The following MAP2K6 variants were observed in gnomAD, a reference collection of about 807,000 sequenced individuals.
The protein encoded by MAP2K6 is dual specificity mitogen-activated protein kinase kinase 6.
A neutral mutation model predicts 53.7 loss-of-function variants in MAP2K6; 16 were observed. That is an observed-to-expected ratio of 0.30 (90% CI 0.20 to 0.45). MAP2K6 has a LOEUF of 0.45. Ranked by LOEUF, MAP2K6 falls within the 20% of genes least tolerant of loss-of-function variation. MAP2K6 has a pLI of 1.00. For synonymous variants in MAP2K6, 132 were observed against 143.1 expected (o/e 0.92, Z 0.55); for missense variants, 204 against 411.9 (o/e 0.50, Z 4.37).
Position 69,546,020 on chromosome 17 carries a change from C to CA in MAP2K6, c.*4285dup, listed in dbSNP as rs34112033. 7,230 of 129,930 alleles carry CA rather than the reference C, an allele frequency of 0.056. 275 individuals are homozygous for CA. The highest frequency in any genetic ancestry group is 0.11 in the African/African-American group (4,134 of 36,032). The allele number at this position is 129,930 out of a possible 1,614,324, so 8.0% of individuals were successfully genotyped here. ...GGGCAACAAGAGCAAAACTTCATCT[C>CA]AAAAAAAAAAAAAAAAAATGTACAA... On this transcript the variant is annotated 3_prime_UTR_variant, in exon 12 of 12. Coordinates refer to ENST00000590474, the MANE Select transcript of MAP2K6 (RefSeq NM_002758.4).
At chr17:69,487,275 T>C (rs796301200) in intron 1 of MAP2K6, among the ~76,000 whole-genome samples, 7 of 152,334 alleles carry the variant, frequency 4.6e-5, no homozygotes, top group African/African-American at 1.7e-4. Context: ...GAAAGCCGAC[T>C]GCTTACATCT....
intron 1 of MAP2K6, among the ~76,000 whole-genome samples, chr17:69,495,500 T>C (rs1243969223): frequency 6.6e-6 from 1 of 152,150 alleles, no homozygotes; most frequent in African/African-American, 2.4e-5. Context: ...CCTCCCAAAG[T>C]GCTGGAATTA....
chr17:69,420,080 T>C (rs1906029208), intron 1 of MAP2K6, among the ~76,000 whole-genome samples: 1 of 152,164 alleles, frequency 6.6e-6, no homozygotes, highest in African/African-American at 2.4e-5. Context: ...ACCTAATGTC[T>C]TAAGCTGCTA....
chr17:69,519,848 T>C (rs943482552), intron 5 of MAP2K6: 5 of 219,484 alleles, frequency 2.3e-5, no homozygotes, highest in Non-Finnish European at 4.5e-5. Flanking sequence ...TTTAGCGTTA[T>C]ATGGATTATG....
intron 1 of MAP2K6, among the ~76,000 whole-genome samples, chr17:69,486,432 C>T (rs770030498): frequency 2.6e-5 from 4 of 152,216 alleles, no homozygotes; most frequent in Non-Finnish European, 5.9e-5. Flanking sequence ...GTTAAGGTTT[C>T]TGGCATGAAG....
At chr17:69,505,442 C>CAAA (rs33993512) in intron 1 of MAP2K6, 56 of 115,698 alleles carry the variant, frequency 4.8e-4, no homozygotes, top group Middle Eastern at 3.5e-3. Flanking sequence ...GACTCTGTCT[C>CAAA]AAAAAAAAAA....
At chr17:69,492,331 G>C (rs1908782276) in intron 1 of MAP2K6, among the ~76,000 whole-genome samples, 1 of 152,122 alleles carries the variant, frequency 6.6e-6, no homozygotes. Flanking sequence ...TTTCGTATAT[G>C]GTATAAGGAA....
At chr17:69,425,501 T>C (rs1906243801) in intron 1 of MAP2K6, among the ~76,000 whole-genome samples, 1 of 152,096 alleles carries the variant, frequency 6.6e-6, no homozygotes, top group African/African-American at 2.4e-5. Context: ...TTAGTAGAGA[T>C]GGGGCTTCAC....
At chr17:69,520,131 C>T (rs1054468915) in intron 5 of MAP2K6, 139 bp from the exon 6 acceptor site, 2 of 594,612 alleles carry the variant, frequency 3.4e-6, no homozygotes, top group South Asian at 4.4e-5. Flanking sequence ...ATGATCTTGA[C>T]AGAAGACACT....
intron 10 of MAP2K6, among the ~76,000 whole-genome samples, chr17:69,534,481 C>T (rs1911251329): frequency 6.6e-6 from 1 of 152,154 alleles, no homozygotes; most frequent in Admixed American, 6.5e-5. Context: ...CTCAGGTTCC[C>T]TGGCTTCCAC....
chr17:69,481,317 CAG>C (rs1908344525), intron 1 of MAP2K6, among the ~76,000 whole-genome samples: 1 of 152,176 alleles, frequency 6.6e-6, no homozygotes, highest in Non-Finnish European at 1.5e-5. Flanking sequence ...TAGCATGTGT[CAG>C]AATTCCCTTT....
intron 1 of MAP2K6, among the ~76,000 whole-genome samples, chr17:69,455,834 G>A (rs1907387780): frequency 6.7e-6 from 1 of 149,994 alleles, no homozygotes. Context: ...GGGACTGAGT[G>A]GGTTCCTGGA....
chr17:69,442,640 C>T (rs913904644), intron 1 of MAP2K6, among the ~76,000 whole-genome samples: 1 of 152,156 alleles, frequency 6.6e-6, no homozygotes, highest in Non-Finnish European at 1.5e-5. Flanking sequence ...CCAAAAGTAA[C>T]TAAATTGCAG....
At chr17:69,534,489 C>T (rs573241899) in intron 10 of MAP2K6, among the ~76,000 whole-genome samples, 1 of 152,104 alleles carries the variant, frequency 6.6e-6, no homozygotes, top group Admixed American at 6.6e-5. Flanking sequence ...CCCTGGCTTC[C>T]ACCCACAGCA....
chr17:69,489,448 G>A (rs1001283398), intron 1 of MAP2K6, among the ~76,000 whole-genome samples: 1 of 152,174 alleles, frequency 6.6e-6, no homozygotes, highest in East Asian at 1.9e-4. Context: ...CAAGGTGACT[G>A]CCTGGAACAA....
At chr17:69,514,138 A>G (rs1006169115) in intron 2 of MAP2K6, among the ~76,000 whole-genome samples, 19 of 152,130 alleles carry the variant, frequency 1.2e-4, no homozygotes, top group African/African-American at 4.6e-4. Context: ...AGGGTGTTGA[A>G]TAATTGCAAA....
chr17:69,553,287 C>T lies in MAP2K6; in HGVS notation c.*11534C>T, dbSNP rs1912170041. On this transcript the variant is annotated 3_prime_UTR_variant, in exon 12 of 12. Transcript: ENST00000590474. ...CTTTTCATTTCCCTCCTTTCTAATCCAAGATCATATTTTTAAAAAGTAGGT... is the reference window on the plus strand; with the variant it reads ...CTTTTCATTTCCCTCCTTTCTAATCTAAGATCATATTTTTAAAAAGTAGGT... 1 of 152,044 alleles carries T rather than the reference C, an allele frequency of 6.6e-6. No individual in the cohort carries two copies. The highest frequency in any genetic ancestry group is 1.5e-5 in the Non-Finnish European group (1 of 68,002). The allele number at this position is 152,044 out of a possible 1,614,324, so 9.4% of individuals were successfully genotyped here.
intron 1 of MAP2K6, among the ~76,000 whole-genome samples, chr17:69,418,929 C>A (rs1360676678): frequency 1.3e-5 from 2 of 151,860 alleles, no homozygotes; most frequent in African/African-American, 2.4e-5. Flanking sequence ...GATAAATTCA[C>A]AATAAGAATA....
intron 11 of MAP2K6, 114 bp downstream of exon 11, chr17:69,536,274 A>C: frequency 1.3e-6 from 1 of 757,330 alleles, no homozygotes; most frequent in South Asian, 1.6e-5. Context: ...TCATTGATAC[A>C]TCAGTGACAG....
Sources: allele counts gnomAD v4.1 joint callset (sites outside exome capture counted in the v4.1 genomes callset), GRCh38; gene constraint gnomAD v4.1.1; transcripts MANE v1.5; gene names NCBI Gene and HGNC (gene_info 2026-07-23, HGNC 2026-07-21).